The following ANKRD30A variants were observed in gnomAD, a reference collection of about 807,000 sequenced individuals.
ANKRD30A encodes ankyrin repeat domain-containing protein 30A.
Under a neutral mutation model 166.3 loss-of-function variants are expected in ANKRD30A, and 170 were observed. The observed-to-expected ratio is 1.02, with a 90% CI of 0.90 to 1.16. The LOEUF (loss-of-function observed/expected upper bound fraction) is 1.16. Among genes scored for constraint, ANKRD30A ranks in the 50% most tolerant of loss-of-function variants. ANKRD30A has a pLI of 0.00. For synonymous variants in ANKRD30A, 564 were observed against 508.9 expected (o/e 1.11, Z -1.46); for missense variants, 1,630 against 1,518.0 (o/e 1.07, Z -1.23).
chr10:37,166,843 C>G, intron 19 of ANKRD30A, 148 bp downstream of exon 19: 1 of 1,389,934 alleles, frequency 7.2e-7, no homozygotes, highest in Non-Finnish European at 9.7e-7. Flanking sequence ...AGTTATGTGT[C>G]TCATCAGGTG....
intron 24 of ANKRD30A, among the ~76,000 whole-genome samples, chr10:37,179,324 A>G (rs541405547): frequency 8.6e-5 from 13 of 151,070 alleles, no homozygotes; most frequent in African/African-American, 2.7e-4. Flanking sequence ...TGTTATTAAT[A>G]TTTAAAAGTC....
Position 37,165,140 on chromosome 10 carries a change from T to G in ANKRD30A, c.2049T>G (p.Asn683Lys). 1.2e-6 allele frequency: 2 copies of G among 1,608,818 alleles called. No homozygotes were observed. The highest frequency in any genetic ancestry group is 1.7e-6 in the Non-Finnish European group (2 of 1,175,636). The stretch of plus-strand genomic sequence containing the variant: ...CCAAACAAAAGGACTATGAAGAAAA[T>G]TCTTGGGATACTGAGGTACTGTGTG... ...SESKQKDYEE[N>K]SWDTESLCET... Residue 683 changes from asparagine (N) to lysine (K), a missense_variant, in exon 18 of 36, where the codon AAT becomes AAG. Physicochemically the swap from Asn to Lys is moderately conservative, Grantham distance 94. This residue lies in a region of ANKRD30A where 904 missense variants were observed against 818.5 expected (regional missense o/e 1.10). Transcript: ENST00000361713.
chr10:37,166,246 T>C (rs1188686801), intron 18 of ANKRD30A, among the ~76,000 whole-genome samples: 1 of 152,218 alleles, frequency 6.6e-6, no homozygotes, highest in East Asian at 1.9e-4. Context: ...AAATGCGTTG[T>C]ATTTTGTTTG....
chr10:37,167,521 G>A (rs530761545), intron 19 of ANKRD30A, among the ~76,000 whole-genome samples: 83 of 151,572 alleles, frequency 5.5e-4, no homozygotes, highest in East Asian at 2.3e-3. Flanking sequence ...GTTGTTATTC[G>A]TAGGTATTTT....
At chr10:37,183,765 C>T (rs1236462744) in intron 24 of ANKRD30A, among the ~76,000 whole-genome samples, 3 of 148,086 alleles carry the variant, frequency 2.0e-5, no homozygotes, top group African/African-American at 7.4e-5. Flanking sequence ...GGTTGTAACT[C>T]CAGCAGTTTT....
At chr10:37,138,415 G>A (rs571023692) in intron 6 of ANKRD30A, among the ~76,000 whole-genome samples, 2 of 152,166 alleles carry the variant, frequency 1.3e-5, no homozygotes, top group African/African-American at 4.8e-5. Context: ...GGCTTCAGAC[G>A]ATCAAACTAC....
intron 6 of ANKRD30A, among the ~76,000 whole-genome samples, chr10:37,137,583 A>C (rs979703454): frequency 1.3e-5 from 2 of 152,190 alleles, no homozygotes; most frequent in African/African-American, 4.8e-5. Flanking sequence ...TTATATCCCG[A>C]GCATGGCTCA....
At chr10:37,157,538 G>A (rs1284292547) in intron 13 of ANKRD30A, among the ~76,000 whole-genome samples, 1 of 152,118 alleles carries the variant, frequency 6.6e-6, no homozygotes, top group Non-Finnish European at 1.5e-5. Flanking sequence ...GCTGATTTTT[G>A]TAATTTTAGT....
At position 37,217,885 on chromosome 10, in the gene ANKRD30A, C is replaced by T. The variant is rs1842685582; in HGVS notation, c.3267+7C>T. 1 of 1,506,772 alleles carries T rather than the reference C, an allele frequency of 6.6e-7. No homozygotes were observed. 93.3% of individuals were successfully genotyped at this position (1,506,772 alleles called of 1,614,324 possible). Reference sequence around the variant, plus strand: ...AGAAAGTAATTTGAATCAGGTAAATCAATCTCTGATAAAAATTTTATATTT... The same window carrying T: ...AGAAAGTAATTTGAATCAGGTAAATTAATCTCTGATAAAAATTTTATATTT... On this transcript the variant is annotated splice_region_variant and intron_variant, in intron 33 of 35. Transcript: ENST00000361713.
downstream of ANKRD30A, chr10:37,232,652 TTTTATATATATA>T (rs1304148801): frequency 1.8e-3 from 40 of 22,184 alleles, 2 homozygotes; most frequent in East Asian, 4.6e-3. Flanking sequence ...GAAGCATTGG[TTTTATATATATA>T]TATATATATA....
downstream of ANKRD30A, chr10:37,232,654 T>TATATATATATATATATATATATATA (rs71007625): frequency 7.4e-5 from 4 of 54,202 alleles, 1 homozygote; most frequent in Non-Finnish European, 1.4e-4. Context: ...AGCATTGGTT[T>TATATATATATATATATATATATATA]TATATATATA....
rs200565471 is a variant in ANKRD30A, at chr10:37,133,989, G to A, written c.691G>A (p.Val231Ile). 1.1e-5 allele frequency: 17 copies of A among 1,614,028 alleles called. No individual in the cohort carries two copies. Among genetic ancestry groups the A allele is most frequent in the South Asian group, 3.3e-5 (3 of 91,076 alleles). The change falls in exon 5 of 36, where the codon GTC (valine) becomes ATC (isoleucine). Residue 231 changes from valine to isoleucine, a missense_variant. Val to Ile is a conservative substitution (Grantham distance 29). Coordinates refer to ENST00000361713, the MANE Select transcript of ANKRD30A (RefSeq NM_052997.3). ...VGMLLQQNVD[V>I]FAADICGVTA... ...CATGCTTCTTCAGCAAAATGTTGAC[G>A]TCTTTGCTGCAGATATATGTGGAGT...
intron 7 of ANKRD30A, among the ~76,000 whole-genome samples, chr10:37,144,767 A>C (rs1399675966): frequency 6.6e-6 from 1 of 150,780 alleles, no homozygotes; most frequent in Admixed American, 6.6e-5. Flanking sequence ...AAATTAATCA[A>C]ATTTTTAATT....
At chr10:37,194,587 C>T (rs760758153) in intron 27 of ANKRD30A, among the ~76,000 whole-genome samples, 7 of 152,028 alleles carry the variant, frequency 4.6e-5, no homozygotes, top group East Asian at 3.9e-4. Context: ...CCTTGTGATG[C>T]GCCCGTCTCG....
intron 27 of ANKRD30A, 138 bp from the exon 28 acceptor site, chr10:37,197,143 A>C: frequency 1.6e-6 from 2 of 1,269,852 alleles, no homozygotes; most frequent in South Asian, 2.4e-5. Context: ...AAACAAACCA[A>C]AAGAAAACTT....
the ANKRD30A span, among the ~76,000 whole-genome samples, chr10:37,254,656 G>T: frequency 6.7e-6 from 1 of 148,450 alleles, no homozygotes; most frequent in Admixed American, 6.7e-5. Flanking sequence ...CCACTTTTCT[G>T]GTTGTCCTTT....
intron 17 of ANKRD30A, among the ~76,000 whole-genome samples, chr10:37,164,679 G>T (rs1477398624): frequency 6.6e-6 from 1 of 151,960 alleles, no homozygotes; most frequent in Non-Finnish European, 1.5e-5. Flanking sequence ...CTTTTTTGAA[G>T]AACTGTGTAA....
chr10:37,167,600 A>T (rs1280749654), intron 19 of ANKRD30A, among the ~76,000 whole-genome samples: 1 of 151,860 alleles, frequency 6.6e-6, no homozygotes, highest in African/African-American at 2.4e-5. Context: ...AATGAAATAC[A>T]TCAATATTGA....
chr10:37,132,160 A>G, intron 3 of ANKRD30A, 80 bp from the exon 4 acceptor site: 1 of 982,252 alleles, frequency 1.0e-6, no homozygotes, highest in Non-Finnish European at 1.5e-6. Flanking sequence ...GTTTAAGTTC[A>G]TAAGATATTA....
Sources: allele counts gnomAD v4.1 joint callset (sites outside exome capture counted in the v4.1 genomes callset), GRCh38; gene constraint gnomAD v4.1.1; regional missense constraint gnomAD v4.1.1; transcripts MANE v1.5; gene names NCBI Gene and HGNC (gene_info 2026-07-23, HGNC 2026-07-21).